DTHD1: variants seen among roughly 807,000 people sequenced by gnomAD.
DTHD1 encodes death domain containing 1.
A neutral mutation model predicts 74.8 loss-of-function variants in DTHD1; 59 were observed. The observed-to-expected ratio is 0.79, with a 90% CI of 0.64 to 0.98. The LOEUF is 0.98. Among genes scored for constraint, DTHD1 ranks in the 50% least tolerant of loss-of-function variants. The probability of loss-of-function intolerance (pLI) is 0.00; values close to 1 mark genes in which losing one functional copy is unlikely to be tolerated. For missense variants in DTHD1, 1,051 were observed against 1,065.4 expected, an observed-to-expected ratio of 0.99 and a Z score of 0.19; for synonymous variants, 365 against 371.1, an observed-to-expected ratio of 0.98 and a Z score of 0.19.
chr4:36,332,428 C>T (rs1392813939), intron 8 of DTHD1, among the ~76,000 whole-genome samples: 1 of 152,106 alleles, frequency 6.6e-6, no homozygotes, highest in Non-Finnish European at 1.5e-5. Flanking sequence ...TGCTGTGCTT[C>T]CTATGATGAC....
At chr4:36,304,430 A>G (rs766727102) in intron 5 of DTHD1, among the ~76,000 whole-genome samples, 1 of 152,192 alleles carries the variant, frequency 6.6e-6, no homozygotes, top group Non-Finnish European at 1.5e-5. Flanking sequence ...ACAGAGTAAG[A>G]AGTTTTCAGA....
chr4:36,306,087 T>C (rs185238076), intron 5 of DTHD1, 104 bp from the exon 6 acceptor site: 1 of 1,104,014 alleles, frequency 9.1e-7, no homozygotes, highest in Admixed American at 2.5e-5. Flanking sequence ...TAGTATGTAC[T>C]TAATGAATTG....
intron 5 of DTHD1, among the ~76,000 whole-genome samples, chr4:36,299,707 C>T (rs1460690995): frequency 6.6e-6 from 1 of 152,196 alleles, no homozygotes; most frequent in Non-Finnish European, 1.5e-5. Flanking sequence ...CTTCTGTTTT[C>T]CAGCTCCCTG....
rs1376218751 is a variant in DTHD1 at position 36,290,709 on chromosome 4, TA to T, written c.1218+9del. The T allele has an allele frequency of 6.5e-7, 1 of 1,529,162 alleles. No homozygotes were observed. The highest frequency in any genetic ancestry group is 1.4e-5 in the African/African-American group (1 of 72,678). The allele number at this position is 1,529,162 out of a possible 1,614,324, so 94.7% of individuals were successfully genotyped here. ...GAATGAAGGGAGGTTATAAGGTTAGTAAATTCTTGGCTATATCTACATTTGC... is the reference window on the plus strand; with the variant it reads ...GAATGAAGGGAGGTTATAAGGTTAGTAATTCTTGGCTATATCTACATTTGC... On this transcript the variant is annotated splice_region_variant and intron_variant, in intron 3 of 9. Transcript: ENST00000639862.
intron 3 of DTHD1, among the ~76,000 whole-genome samples, chr4:36,290,966 C>T (rs1304007529): frequency 6.6e-6 from 1 of 152,206 alleles, no homozygotes; most frequent in Non-Finnish European, 1.5e-5. Context: ...AAACCAAAAT[C>T]ATGGCTTAAT....
At chr4:36,286,292 T>A (rs1755707558) in intron 2 of DTHD1, among the ~76,000 whole-genome samples, 3 of 152,190 alleles carry the variant, frequency 2.0e-5, no homozygotes, top group Non-Finnish European at 2.9e-5. Context: ...GGTTAATGAG[T>A]CATTGCCTGA....
In DTHD1 at chr4:36,343,945, CTATTTAATGATGTGA is replaced by C; in HGVS notation, c.*122_*136del. ...TGAAGTCAGTCTATTTAATGATGTG[CTATTTAATGATGTGA>C]GACAAAGGGAGAAGCACGGATCAGA... On this transcript the variant is annotated 3_prime_UTR_variant, in exon 10 of 10. Transcript: ENST00000639862. 1.0e-6 allele frequency: 1 copy of C among 970,142 alleles called. No homozygotes were observed. The highest frequency in any genetic ancestry group is 2.9e-5 in the Admixed American group (1 of 34,886). The allele number at this position is 970,142 out of a possible 1,614,324, so 60.1% of individuals were successfully genotyped here.
chr4:36,291,332 G>A (rs963264346), intron 3 of DTHD1, among the ~76,000 whole-genome samples: 4 of 152,220 alleles, frequency 2.6e-5, no homozygotes, highest in African/African-American at 9.6e-5. Flanking sequence ...TCATCTGAGA[G>A]ATAAACATGA....
At chr4:36,317,374 G>A (rs1757794691) in intron 8 of DTHD1, among the ~76,000 whole-genome samples, 1 of 152,122 alleles carries the variant, frequency 6.6e-6, no homozygotes, top group South Asian at 2.1e-4. Flanking sequence ...GCCCATATGT[G>A]GCTGTGGAGC....
In DTHD1 at chr4:36,339,023, C is replaced by G. The variant is rs934840527; in HGVS notation, c.2341-89C>G. 9.5e-6 allele frequency: 10 copies of G among 1,054,546 alleles called. No individual in the cohort carries two copies. In the African/African-American group the frequency reaches 1.3e-4, roughly 13 times the overall value. The allele number at this position is 1,054,546 out of a possible 1,614,324, so 65.3% of individuals were successfully genotyped here. A position where few individuals can be genotyped will look rare whatever the true frequency, so the allele number is the denominator to read the frequency against. ...TATGCAATTCAGTACTTCTTCGAAA[C>G]AGAGATGATGTTCAGATGAATTTTC... On this transcript the variant is annotated intron_variant, in intron 8 of 9. Transcript: ENST00000639862.
intron 7 of DTHD1, among the ~76,000 whole-genome samples, chr4:36,313,100 C>A (rs577614730): frequency 3.3e-5 from 5 of 152,062 alleles, no homozygotes; most frequent in Non-Finnish European, 7.4e-5. Context: ...CTTCCCTAAG[C>A]AAAAATATTT....
chr4:36,296,567 A>G (rs532417744), intron 5 of DTHD1, among the ~76,000 whole-genome samples: 1 of 152,234 alleles, frequency 6.6e-6, no homozygotes, highest in African/African-American at 2.4e-5. Flanking sequence ...TAAGTAAAAT[A>G]ATCTGTTATG....
chr4:36,318,771 C>T (rs1468579878), intron 8 of DTHD1, among the ~76,000 whole-genome samples: 8 of 152,016 alleles, frequency 5.3e-5, no homozygotes, highest in African/African-American at 7.2e-5. Context: ...CCCGCCACCA[C>T]GCCCAGCTAA....
At chr4:36,339,464 A>T (rs914703186) in intron 9 of DTHD1, among the ~76,000 whole-genome samples, 7 of 152,186 alleles carry the variant, frequency 4.6e-5, no homozygotes, top group Non-Finnish European at 5.9e-5. Context: ...CTAATAGATG[A>T]CTATACTTTG....
chr4:36,345,978 C>T lies in DTHD1; in HGVS notation c.*2154C>T, dbSNP rs1578506815. 6.6e-6 allele frequency among the ~76,000 whole-genome samples: 1 copy of T among 152,052 alleles called. No homozygotes were observed. The highest frequency in any genetic ancestry group is 1.5e-5 in the Non-Finnish European group (1 of 68,010). ...TGCACCCTCAAACACACAGGCCTAC[C>T]CTTTATCAGCACTGTTTCGGGTCCA... On this transcript the variant is annotated 3_prime_UTR_variant, in exon 10 of 10. Coordinates refer to ENST00000639862, the MANE Select transcript of DTHD1 (RefSeq NM_001170700.3).
intron 8 of DTHD1, among the ~76,000 whole-genome samples, chr4:36,338,773 T>C (rs893428760): frequency 9.9e-5 from 15 of 152,164 alleles, no homozygotes; most frequent in African/African-American, 3.6e-4. Context: ...CAAAATACCA[T>C]CTTTACAGCA....
chr4:36,284,634 AT>A, intron 2 of DTHD1, 43 bp downstream of exon 2: 1 of 1,372,850 alleles, frequency 7.3e-7, no homozygotes. Flanking sequence ...ATGCCTACTT[AT>A]ATGTGTGTTT....
chr4:36,325,651 G>T (rs1168381856), intron 8 of DTHD1, among the ~76,000 whole-genome samples: 2 of 152,212 alleles, frequency 1.3e-5, no homozygotes, highest in East Asian at 3.8e-4. Context: ...GTGAATGTGT[G>T]TGGGACTGGG....
intron 7 of DTHD1, among the ~76,000 whole-genome samples, chr4:36,309,408 G>A (rs1302031446): frequency 2.6e-5 from 4 of 152,242 alleles, no homozygotes; most frequent in East Asian, 3.9e-4. Context: ...GCAGTGAGCC[G>A]AGATCGCAGG....
Sources: gnomAD v4.1 joint callset for allele counts (sites outside exome capture counted in the v4.1 genomes callset) on GRCh38, gnomAD v4.1.1 for gene constraint, MANE v1.5 for transcripts, NCBI Gene and HGNC (gene_info 2026-07-23, HGNC 2026-07-21) for gene names.